The following LMX1A variants were observed in gnomAD, a reference collection of about 807,000 sequenced individuals.
LMX1A encodes the protein LIM homeobox transcription factor 1 alpha.
LMX1A carries 15 observed loss-of-function variants against 49.1 expected under a neutral mutation model. The ratio of observed to expected loss-of-function variants is 0.31; its 90% CI spans 0.20 to 0.47. LMX1A has a LOEUF of 0.47. LMX1A is among the 20% of genes least tolerant of loss of function. The pLI is 1.00. For synonymous variants in LMX1A, 167 were observed against 185.7 expected, an observed-to-expected ratio of 0.90 and a Z score of 0.82; for missense variants, 372 against 475.8, an observed-to-expected ratio of 0.78 and a Z score of 2.03.
chr1:165,224,166 G>C (rs148468706), intron 4 of LMX1A, among the ~76,000 whole-genome samples: 15 of 152,206 alleles, frequency 9.9e-5, no homozygotes, highest in African/African-American at 3.6e-4. Context: ...TCTTTCTCTT[G>C]CTTCTTCTCC....
At chr1:165,264,147 T>TA (rs540383019) in intron 3 of LMX1A, among the ~76,000 whole-genome samples, 281 of 150,746 alleles carry the variant, frequency 1.9e-3, no homozygotes, top group Non-Finnish European at 2.6e-3. Context: ...TGGGTAAAAA[T>TA]AAAAAAAAAC....
In LMX1A at chr1:165,355,642, G is replaced by A. The variant is rs1022836753; in HGVS notation, c.-22-61C>T. Reference sequence around the variant, plus strand: ...TGCCCGCTGGGACTCGGCGCCAGCAGCCACCGCACTCCTGGGAAAGAACTG... The same window carrying A: ...TGCCCGCTGGGACTCGGCGCCAGCAACCACCGCACTCCTGGGAAAGAACTG... On this transcript the variant is annotated intron_variant, in intron 1 of 8. Transcript: ENST00000342310. This position sits in a 1 kb window ranked among gnomAD's most constrained non-coding sequence, Gnocchi z 4.7. The A allele has an allele frequency of 8.6e-6, 11 of 1,272,668 alleles. No homozygotes were observed. The highest frequency in any genetic ancestry group is 1.2e-5 in the Non-Finnish European group (11 of 887,984). The allele number at this position is 1,272,668 out of a possible 1,614,324, so 78.8% of individuals were successfully genotyped here.
chr1:165,251,008 T>G (rs949037557), intron 3 of LMX1A, among the ~76,000 whole-genome samples: 1 of 139,484 alleles, frequency 7.2e-6, no homozygotes, highest in African/African-American at 2.5e-5. Context: ...AGGTGACAGG[T>G]GAGGTTAAGT....
intron 4 of LMX1A, chr1:165,216,037 C>T (rs1651630949): frequency 6.6e-6 from 1 of 152,104 alleles, no homozygotes; most frequent in Non-Finnish European, 1.5e-5. Context: ...AATAAAACCC[C>T]CCACAAGATT....
At chr1:165,296,119 C>T (rs1421170855) in intron 3 of LMX1A, among the ~76,000 whole-genome samples, 9 of 152,184 alleles carry the variant, frequency 5.9e-5, no homozygotes, top group Non-Finnish European at 2.9e-5. Flanking sequence ...TATCTCCCCT[C>T]CTTCGTCTAT....
At position 165,249,630 on chromosome 1, in the gene LMX1A, C is replaced by A. The variant is rs927572694; in HGVS notation, c.274G>T (p.Val92Phe). 1 of 1,613,618 alleles carries A rather than the reference C, an allele frequency of 6.2e-7. No homozygotes were observed. The highest frequency in any genetic ancestry group is 8.5e-7 in the Non-Finnish European group (1 of 1,179,814). Reference sequence around the variant, plus strand: ...GCCTCGAAGCAGCCCCCACATTTAACAGCAAACAGCCTGGCAGCAGGGAGA... The same window carrying A: ...GCCTCGAAGCAGCCCCCACATTTAAAAGCAAACAGCCTGGCAGCAGGGAGA... ...CKYDYEKLFAVKCGGCFEAIA... is the reference protein window; with the variant it reads ...CKYDYEKLFAFKCGGCFEAIA... Residue 92 changes from valine (V) to phenylalanine (F), a missense_variant, in exon 4 of 9, where the codon GTT becomes TTT. Physicochemically the swap from Val to Phe is conservative, Grantham distance 50. Around this residue, in one of 3 missense-constraint regions of LMX1A, gnomAD observed 199 missense variants for 244.0 expected, o/e 0.82. Coordinates refer to ENST00000342310, the MANE Select transcript of LMX1A (RefSeq NM_177398.4).
At position 165,225,421 on chromosome 1, in the gene LMX1A, G is replaced by C. The variant is rs556206978; in HGVS notation, c.497-11608C>G. On this transcript the variant is annotated intron_variant, in intron 4 of 8. Transcript: ENST00000342310. ...ATGGTTATTTCCCTTAGGTGAAATTGAGTGTCTCAAGATGATCTTAATGTT... is the reference window on the plus strand; with the variant it reads ...ATGGTTATTTCCCTTAGGTGAAATTCAGTGTCTCAAGATGATCTTAATGTT... Among the ~76,000 whole-genome samples the C allele has an allele frequency of 3.9e-5, 6 of 152,336 alleles. No individual in the cohort carries two copies. The South Asian group carries it at 1.2e-3, about 32-fold the overall frequency.
intron 2 of LMX1A, among the ~76,000 whole-genome samples, chr1:165,354,838 C>A (rs1406404754): frequency 6.6e-6 from 1 of 152,240 alleles, no homozygotes; most frequent in Non-Finnish European, 1.5e-5. Context: ...TTCAGCTCTG[C>A]AAGACCCGTG....
chr1:165,241,167 TCTTTA>T (rs1377573884), intron 4 of LMX1A, among the ~76,000 whole-genome samples: 10 of 152,140 alleles, frequency 6.6e-5, no homozygotes, highest in Non-Finnish European at 1.5e-4. Flanking sequence ...AATCAGCCCA[TCTTTA>T]CTTTATGCAC....
At chr1:165,269,141 A>C (rs1653712060) in intron 3 of LMX1A, among the ~76,000 whole-genome samples, 1 of 152,192 alleles carries the variant, frequency 6.6e-6, no homozygotes, top group African/African-American at 2.4e-5. Context: ...CTGGGACAAA[A>C]GAGGGTGAGA....
At chr1:165,281,130 T>G (rs1654136202) in intron 3 of LMX1A, among the ~76,000 whole-genome samples, 1 of 151,928 alleles carries the variant, frequency 6.6e-6, no homozygotes, top group Non-Finnish European at 1.5e-5. Context: ...CCCCATAAAA[T>G]GAGAATAACA....
chr1:165,355,335 T>C lies in LMX1A; in HGVS notation c.76+149A>G. 5.5e-6 allele frequency: 4 copies of C among 728,758 alleles called. No individual in the cohort carries two copies. The South Asian group carries it at 7.0e-5, about 13-fold the overall frequency. The allele number at this position is 728,758 out of a possible 1,614,324, so 45.1% of individuals were successfully genotyped here. On this transcript the variant is annotated intron_variant, in intron 2 of 8. Coordinates refer to ENST00000342310, the MANE Select transcript of LMX1A (RefSeq NM_177398.4). This position sits in a 1 kb window ranked among gnomAD's most constrained non-coding sequence, Gnocchi z 4.7. ...TTGGGTAGGGACGACCCACAAGCAC[T>C]GACGGACAGATAGTGATGGGGCTCA... is the stretch of plus-strand genomic sequence containing the variant.
chr1:165,321,685 T>C (rs1425089924), intron 3 of LMX1A, among the ~76,000 whole-genome samples: 3 of 152,192 alleles, frequency 2.0e-5, no homozygotes, highest in Non-Finnish European at 4.4e-5. Context: ...TAGAGATAAA[T>C]TTTTATGACT....
chr1:165,261,727 C>T (rs1010257905), intron 3 of LMX1A, among the ~76,000 whole-genome samples: 4 of 152,108 alleles, frequency 2.6e-5, no homozygotes, highest in Admixed American at 1.3e-4. Context: ...AAAATTCTAA[C>T]ATACACTACA....
chr1:165,245,311 A>G (rs1652808628), intron 4 of LMX1A, among the ~76,000 whole-genome samples: 1 of 152,062 alleles, frequency 6.6e-6, no homozygotes, highest in Non-Finnish European at 1.5e-5. Flanking sequence ...GCAGTCTTCC[A>G]CCAACTGCAA....
In LMX1A at chr1:165,203,639, G is replaced by A; in HGVS notation, c.*241C>T. 2.7e-6 allele frequency: 1 copy of A among 376,244 alleles called. No individual in the cohort carries two copies. Among genetic ancestry groups the A allele is most frequent in the African/African-American group, 2.0e-5 (1 of 50,136 alleles). The allele number at this position is 376,244 out of a possible 1,614,324, so 23.3% of individuals were successfully genotyped here. On this transcript the variant is annotated 3_prime_UTR_variant, in exon 9 of 9. Transcript: ENST00000342310. The stretch of plus-strand genomic sequence containing the variant: ...TATATTAAAAGTCTCTGTCCTTAAT[G>A]ATAAACACGTCTTCATATCTAATGC...
At chr1:165,294,934 A>AC in intron 3 of LMX1A, among the ~76,000 whole-genome samples, 1 of 152,344 alleles carries the variant, frequency 6.6e-6, no homozygotes. Flanking sequence ...AGTGCACACC[A>AC]GCCTGGGTGA....
At chr1:165,327,113 T>C (rs1655608668) in intron 3 of LMX1A, among the ~76,000 whole-genome samples, 1 of 151,974 alleles carries the variant, frequency 6.6e-6, no homozygotes, top group Non-Finnish European at 1.5e-5. Context: ...TTTGGTAGGT[T>C]TGAGATCCAG....
intron 3 of LMX1A, among the ~76,000 whole-genome samples, chr1:165,290,213 T>C (rs1298731427): frequency 6.6e-6 from 1 of 152,242 alleles, no homozygotes; most frequent in Non-Finnish European, 1.5e-5. Context: ...ACCTGACAAT[T>C]GGTGGCTTAA....
Sources: allele counts gnomAD v4.1 joint callset (sites outside exome capture counted in the v4.1 genomes callset), GRCh38; gene constraint gnomAD v4.1.1; regional missense constraint gnomAD v4.1.1; non-coding constraint Gnocchi (gnomAD v3.1); transcripts MANE v1.5; gene names NCBI Gene and HGNC (gene_info 2026-07-23, HGNC 2026-07-21).